The following COX14 variants were observed in gnomAD, a reference collection of about 807,000 sequenced individuals.
The protein encoded by COX14 is cytochrome c oxidase assembly protein COX14.
Under a neutral mutation model 5.8 loss-of-function variants are expected in COX14, and 3 were observed. That is an observed-to-expected ratio of 0.51 (90% CI 0.23 to 1.33). The LOEUF (loss-of-function observed/expected upper bound fraction) is 1.33. Ranked by LOEUF, COX14 falls within the 40% of genes most tolerant of loss-of-function variation. The pLI is 0.18. For missense variants in COX14, 72 were observed against 72.1 expected (o/e 1.00, Z 0.01); for synonymous variants, 25 against 26.1 (o/e 0.96, Z 0.13).
chr12:50,119,292 T>G (rs1419798131), intron 1 of COX14, among the ~76,000 whole-genome samples: 2 of 152,264 alleles, frequency 1.3e-5, no homozygotes, highest in African/African-American at 2.4e-5. Context: ...GGTTCCCATT[T>G]GATCTTCCTA....
At chr12:50,115,183 C>A (rs1951069684) in intron 1 of COX14, among the ~76,000 whole-genome samples, 1 of 146,844 alleles carries the variant, frequency 6.8e-6, no homozygotes, top group Non-Finnish European at 1.5e-5. Context: ...CTGGGATTAC[C>A]AGTGTGAGCC....
intron 1 of COX14, chr12:50,118,538 C>G (rs1327326531): frequency 2.2e-6 from 1 of 447,876 alleles, no homozygotes; most frequent in African/African-American, 2.1e-5. Context: ...GAGGCCAAGG[C>G]GAGTGGATCA....
At chr12:50,118,758 C>T (rs1292921323) in intron 1 of COX14, among the ~76,000 whole-genome samples, 1 of 152,146 alleles carries the variant, frequency 6.6e-6, no homozygotes, top group Non-Finnish European at 1.5e-5. Context: ...CAGAGTGAGA[C>T]TCCGTCTCAA....
chr12:50,114,546 C>T (rs1434398401), intron 1 of COX14, among the ~76,000 whole-genome samples: 9 of 152,106 alleles, frequency 5.9e-5, no homozygotes, highest in South Asian at 2.1e-4. Flanking sequence ...GCCACTGCGC[C>T]GGGCCTTGGA....
Position 50,112,261 on chromosome 12 carries a change from G to A in COX14, c.-49G>A. The A allele has an allele frequency of 1.0e-6, 1 of 982,142 alleles. No homozygotes were observed. Among genetic ancestry groups the A allele is most frequent in the Non-Finnish European group, 1.2e-6 (1 of 826,884 alleles). The allele number at this position is 982,142 out of a possible 1,614,324, so 60.8% of individuals were successfully genotyped here. On this transcript the variant is annotated 5_prime_UTR_variant, in exon 1 of 2. Coordinates refer to ENST00000550487, the MANE Select transcript of COX14 (RefSeq NM_032901.4). ...AGTGGCCTCGAGACCCTGCCTGCCT[G>A]AGGAGGCCTCGGTTGGATGCGAAGG...
chr12:50,115,162 C>T (rs1230318025), intron 1 of COX14, among the ~76,000 whole-genome samples: 1 of 151,428 alleles, frequency 6.6e-6, no homozygotes, highest in Non-Finnish European at 1.5e-5. Context: ...CTGCCTCAGC[C>T]TCCCAAAGTG....
At chr12:50,115,103 G>C (rs1350579839) in intron 1 of COX14, among the ~76,000 whole-genome samples, 2 of 143,094 alleles carry the variant, frequency 1.4e-5, no homozygotes, top group Non-Finnish European at 3.0e-5. Flanking sequence ...ATGGGGTCTC[G>C]CTGTGTTGCC....
intron 1 of COX14, among the ~76,000 whole-genome samples, chr12:50,115,061 C>T (rs1318299333): frequency 2.7e-5 from 4 of 146,112 alleles, no homozygotes; most frequent in Non-Finnish European, 3.0e-5. Context: ...CCACCGTGCC[C>T]GGCCGGTTTT....
intron 1 of COX14, among the ~76,000 whole-genome samples, chr12:50,118,164 A>G (rs1318159730): frequency 6.6e-6 from 1 of 151,154 alleles, no homozygotes; most frequent in African/African-American, 2.4e-5. Context: ...CTCCTGCCTT[A>G]GCCTCTCGAG....
intron 1 of COX14, among the ~76,000 whole-genome samples, chr12:50,116,635 C>G (rs1342416306): frequency 2.0e-5 from 3 of 152,152 alleles, no homozygotes; most frequent in Non-Finnish European, 4.4e-5. Context: ...GTAGGAATAG[C>G]AATAAGTGAC....
intron 1 of COX14, among the ~76,000 whole-genome samples, chr12:50,116,950 T>TTTACATGTC (rs1260560560): frequency 6.6e-6 from 1 of 152,188 alleles, no homozygotes; most frequent in Non-Finnish European, 1.5e-5. Context: ...CTGAGAAGTA[T>TTTACATGTC]TTACATGTCT....
At chr12:50,116,475 A>G (rs1951081852) in intron 1 of COX14, among the ~76,000 whole-genome samples, 1 of 152,276 alleles carries the variant, frequency 6.6e-6, no homozygotes, top group Non-Finnish European at 1.5e-5. Flanking sequence ...TCTAGACAGC[A>G]GGATTATGTC....
At position 50,120,283 on chromosome 12, in the gene COX14, A is replaced by G. The variant is rs549533151; in HGVS notation, c.*66A>G. 54 of 1,377,568 alleles carry G rather than the reference A, an allele frequency of 3.9e-5. No homozygotes were observed. In the African/African-American group the frequency reaches 7.4e-4, roughly 19 times the overall value. The allele number at this position is 1,377,568 out of a possible 1,614,324, so 85.3% of individuals were successfully genotyped here. On this transcript the variant is annotated 3_prime_UTR_variant, in exon 2 of 2. Coordinates refer to ENST00000550487, the MANE Select transcript of COX14 (RefSeq NM_032901.4). ...ATGCTGTGGAGAGACTTCACCTGCCACCATTTCCAGGTCAACAGGACTAGA... is the reference window on the plus strand; with the variant it reads ...ATGCTGTGGAGAGACTTCACCTGCCGCCATTTCCAGGTCAACAGGACTAGA...
chr12:50,120,119 G>T lies in COX14; in HGVS notation c.76G>T (p.Gly26Trp). 1.2e-6 allele frequency: 2 copies of T among 1,613,588 alleles called. No individual in the cohort carries two copies. The highest frequency in any genetic ancestry group is 1.7e-6 in the Non-Finnish European group (2 of 1,179,518). ...STSMMLLTVY[G>W]GYLCSVRVYH... Reference sequence around the variant, plus strand: ...CTCCATGATGCTTCTCACTGTGTATGGGGGGTACCTCTGCAGTGTCCGAGT... The same window carrying T: ...CTCCATGATGCTTCTCACTGTGTATTGGGGGTACCTCTGCAGTGTCCGAGT... The change falls in exon 2 of 2, where the codon GGG (glycine) becomes TGG (tryptophan). Residue 26 changes from glycine (G) to tryptophan (W), a missense_variant. Physicochemically the swap from Gly to Trp is radical, Grantham distance 184. Coordinates refer to ENST00000550487, the MANE Select transcript of COX14 (RefSeq NM_032901.4).
At chr12:50,114,740 C>G (rs939158256) in intron 1 of COX14, among the ~76,000 whole-genome samples, 1 of 144,482 alleles carries the variant, frequency 6.9e-6, no homozygotes, top group East Asian at 2.1e-4. Flanking sequence ...TGATAGACAT[C>G]ATCACATGAA....
At chr12:50,115,067 GTTT>G (rs545838012) in intron 1 of COX14, among the ~76,000 whole-genome samples, 1 of 117,518 alleles carries the variant, frequency 8.5e-6, no homozygotes, top group Non-Finnish European at 1.8e-5. Flanking sequence ...TGCCCGGCCG[GTTT>G]TTTTTTTTTT....
intron 1 of COX14, among the ~76,000 whole-genome samples, chr12:50,116,421 G>A (rs1951081529): frequency 6.6e-6 from 1 of 152,176 alleles, no homozygotes; most frequent in Non-Finnish European, 1.5e-5. Context: ...TGGATATTAG[G>A]GAAAACCACA....
chr12:50,114,795 T>A (rs1054150843), intron 1 of COX14, among the ~76,000 whole-genome samples: 12 of 135,956 alleles, frequency 8.8e-5, no homozygotes, highest in African/African-American at 3.1e-4. Context: ...TTTTTTTTTT[T>A]TTTTTTGAGA....
chr12:50,112,492 CAGT>C, intron 1 of COX14, 191 bp downstream of exon 1: 2 of 985,514 alleles, frequency 2.0e-6, no homozygotes, highest in Non-Finnish European at 2.4e-6. Context: ...CTCCTCGCAG[CAGT>C]AGGTCAGTCT....
Sources: gnomAD v4.1 joint callset for allele counts (sites outside exome capture counted in the v4.1 genomes callset) on GRCh38, gnomAD v4.1.1 for gene constraint, MANE v1.5 for transcripts, NCBI Gene and HGNC (gene_info 2026-07-23, HGNC 2026-07-21) for gene names.